MAB21L3: variants seen among roughly 807,000 people sequenced by gnomAD.
The protein encoded by MAB21L3 is protein mab-21-like 3.
Under a neutral mutation model 37.7 loss-of-function variants are expected in MAB21L3, and 36 were observed. The ratio of observed to expected loss-of-function variants is 0.96; its 90% CI spans 0.73 to 1.26. The LOEUF (loss-of-function observed/expected upper bound fraction) is 1.26. Ranked by LOEUF, MAB21L3 falls within the 50% of genes most tolerant of loss-of-function variation. The pLI is 0.00. For synonymous variants in MAB21L3, 186 were observed against 176.8 expected (o/e 1.05, Z -0.41); for missense variants, 430 against 447.3 (o/e 0.96, Z 0.35).
Position 116,124,377 on chromosome 1 carries a change from G to A in MAB21L3, c.481+20G>A, listed in dbSNP as rs1570808593. The A allele has an allele frequency of 6.3e-7, 1 of 1,597,364 alleles. No homozygotes were observed. The highest frequency in any genetic ancestry group is 8.5e-7 in the Non-Finnish European group (1 of 1,172,712). On this transcript the variant is annotated intron_variant, in intron 5 of 7. Coordinates refer to ENST00000369500, the MANE Select transcript of MAB21L3 (RefSeq NM_152367.3). Reference sequence around the variant, plus strand: ...TCTCAGGTGAGCTGATCAGGAACAAGTGCAAGGGTAATTGCTGGCATTCCC... The same window carrying A: ...TCTCAGGTGAGCTGATCAGGAACAAATGCAAGGGTAATTGCTGGCATTCCC...
chr1:116,133,397 T>C lies in MAB21L3; in HGVS notation c.*32T>C. On this transcript the variant is annotated 3_prime_UTR_variant, in exon 8 of 8. Transcript: ENST00000369500. ...CCCCGGCCTGGGAGGCTCTTGGACA[T>C]TTTATTCTGGCTTAACATTGTTCTT... is the stretch of plus-strand genomic sequence containing the variant. 2 of 1,583,458 alleles carry C rather than the reference T, an allele frequency of 1.3e-6. No individual in the cohort carries two copies. The highest frequency in any genetic ancestry group is 1.7e-6 in the Non-Finnish European group (2 of 1,152,326).
chr1:116,124,010 C>T (rs921240518), intron 4 of MAB21L3, 56 bp from the exon 5 acceptor site: 65 of 1,533,962 alleles, frequency 4.2e-5, no homozygotes, highest in African/African-American at 2.1e-4. Flanking sequence ...CCAGGACTTC[C>T]GTTACCTCCC....
At chr1:116,119,231 T>C (rs967524852) in intron 3 of MAB21L3, among the ~76,000 whole-genome samples, 3 of 152,234 alleles carry the variant, frequency 2.0e-5, no homozygotes, top group African/African-American at 7.2e-5. Flanking sequence ...GGGTCTATCT[T>C]GTGCATTGCT....
intron 5 of MAB21L3, among the ~76,000 whole-genome samples, chr1:116,124,881 AC>A (rs1659856350): frequency 7.5e-6 from 1 of 132,886 alleles, no homozygotes; most frequent in Non-Finnish European, 1.6e-5. Context: ...ACACACACAC[AC>A]ACACACATAC....
chr1:116,121,066 T>C lies in MAB21L3; in HGVS notation c.183T>C (p.Asn61=). ...AVPYSDTYNE[N]IKVLAPSQFL... ...CTTACTCTGACACGTACAATGAAAA[T>C]ATTAAGGTAAGCAAGTCTTGCTGTC... The change falls in exon 4 of 8, where the codon AAT becomes AAC. Residue 61 remains asparagine (N), a synonymous_variant. Coordinates refer to ENST00000369500, the MANE Select transcript of MAB21L3 (RefSeq NM_152367.3). 1.2e-6 allele frequency: 2 copies of C among 1,613,012 alleles called. No individual in the cohort carries two copies. The highest frequency in any genetic ancestry group is 4.5e-5 in the East Asian group (2 of 44,744).
At chr1:116,117,152 AATATACATACATATATATAT>A (rs1052457917) in intron 3 of MAB21L3, among the ~76,000 whole-genome samples, 3 of 95,128 alleles carry the variant, frequency 3.2e-5, no homozygotes, top group African/African-American at 1.8e-4. Flanking sequence ...CAGGAATCAA[AATATACATACATATATATAT>A]ATATATATAT....
chr1:116,132,642 C>T (rs72693709), intron 7 of MAB21L3, among the ~76,000 whole-genome samples: 10,012 of 152,064 alleles, frequency 0.066, 385 homozygotes, highest in Middle Eastern at 0.12. Flanking sequence ...GGGCAGGAGG[C>T]AGATGTGGGG....
intron 3 of MAB21L3, among the ~76,000 whole-genome samples, chr1:116,115,932 A>G (rs1659574837): frequency 6.6e-6 from 1 of 152,136 alleles, no homozygotes. Flanking sequence ...TTTGCCATGA[A>G]CTAAGTTTGG....
chr1:116,124,227 A>G lies in MAB21L3; in HGVS notation c.351A>G (p.Glu117=), dbSNP rs1483036758. 1 of 1,614,196 alleles carries G rather than the reference A, an allele frequency of 6.2e-7. No individual in the cohort carries two copies. The highest frequency in any genetic ancestry group is 2.2e-5 in the East Asian group (1 of 44,892). ...PEGLQQWLEV[E]QFMKSLWQWH... is the part of the protein sequence containing the mutation. ...GTCTGCAGCAGTGGCTGGAGGTGGA[A>G]CAGTTTATGAAGAGCCTGTGGCAGT... The change falls in exon 5 of 8, where the codon GAA becomes GAG. Residue 117 remains glutamate (E), a synonymous_variant. Coordinates refer to ENST00000369500, the MANE Select transcript of MAB21L3 (RefSeq NM_152367.3).
chr1:116,127,134 T>A (rs1214918801), intron 5 of MAB21L3, among the ~76,000 whole-genome samples: 1 of 152,186 alleles, frequency 6.6e-6, no homozygotes, highest in African/African-American at 2.4e-5. Context: ...CTATGGCTTT[T>A]ACTTTCAGTT....
chr1:116,136,514 A>T lies in MAB21L3; in HGVS notation c.*3149A>T, dbSNP rs867000646. Among the ~76,000 whole-genome samples the T allele has an allele frequency of 1.4e-4, 22 of 152,324 alleles. No homozygotes were observed. Among genetic ancestry groups the T allele is most frequent in the African/African-American group, 5.3e-4 (22 of 41,578 alleles). On this transcript the variant is annotated 3_prime_UTR_variant, in exon 8 of 8. Transcript: ENST00000369500. ...GGAAGAACATTCCATGCTCATGGGT[A>T]GGAAGAATCAATATCGTCAAAATGG...
At position 116,133,515 on chromosome 1, in the gene MAB21L3, G is replaced by T; in HGVS notation, c.*150G>T. 1 of 705,674 alleles carries T rather than the reference G, an allele frequency of 1.4e-6. No individual in the cohort carries two copies. The highest frequency in any genetic ancestry group is 2.3e-6 in the Non-Finnish European group (1 of 426,198). The allele number at this position is 705,674 out of a possible 1,614,324, so 43.7% of individuals were successfully genotyped here. A position where few individuals can be genotyped will look rare whatever the true frequency, so the allele number is the denominator to read the frequency against. On this transcript the variant is annotated 3_prime_UTR_variant, in exon 8 of 8. Coordinates refer to ENST00000369500, the MANE Select transcript of MAB21L3 (RefSeq NM_152367.3). Reference sequence around the variant, plus strand: ...ACATCAAACCAGAAACACTTCAGCAGGGGGAAAACTGTGCCCCAGGATGTC... The same window carrying T: ...ACATCAAACCAGAAACACTTCAGCATGGGGAAAACTGTGCCCCAGGATGTC...
At chr1:116,124,989 G>GA (rs1453328893) in intron 5 of MAB21L3, among the ~76,000 whole-genome samples, 38 of 138,592 alleles carry the variant, frequency 2.7e-4, no homozygotes, top group African/African-American at 9.9e-4. Flanking sequence ...AAATCAATAA[G>GA]AAAAAAGATG....
At chr1:116,113,633 T>A (rs1286837439) in intron 3 of MAB21L3, among the ~76,000 whole-genome samples, 1 of 152,244 alleles carries the variant, frequency 6.6e-6, no homozygotes, top group Admixed American at 6.5e-5. Flanking sequence ...TTCGACACGT[T>A]GAATCCAGTG....
chr1:116,133,524 C>T lies in MAB21L3; in HGVS notation c.*159C>T. ...CAGAAACACTTCAGCAGGGGGAAAA[C>T]TGTGCCCCAGGATGTCTGGCCCAGG... On this transcript the variant is annotated 3_prime_UTR_variant, in exon 8 of 8. Coordinates refer to ENST00000369500, the MANE Select transcript of MAB21L3 (RefSeq NM_152367.3). The T allele has an allele frequency of 1.5e-6, 1 of 680,746 alleles. No individual in the cohort carries two copies. The highest frequency in any genetic ancestry group is 2.5e-6 in the Non-Finnish European group (1 of 405,878). The allele number at this position is 680,746 out of a possible 1,614,324, so 42.2% of individuals were successfully genotyped here.
intron 7 of MAB21L3, among the ~76,000 whole-genome samples, chr1:116,129,297 G>A (rs1167531803): frequency 6.6e-6 from 1 of 152,188 alleles, no homozygotes; most frequent in East Asian, 1.9e-4. Flanking sequence ...TTCTCAAATT[G>A]TGAACCACAC....
Position 116,137,409 on chromosome 1 carries a change from T to G in MAB21L3, c.*4044T>G, listed in dbSNP as rs1660218169. Among the ~76,000 whole-genome samples the G allele has an allele frequency of 1.6e-5, 2 of 128,346 alleles. No homozygotes were observed. Among genetic ancestry groups the G allele is most frequent in the East Asian group, 2.0e-4 (1 of 4,906 alleles). 84.2% of individuals were successfully genotyped at this position (128,346 alleles called of 152,430 possible). ...TCACTGGCCATCAGAGAAATGCAAA[T>G]CAAAACCACAGTGAGATACCATCTC... On this transcript the variant is annotated 3_prime_UTR_variant, in exon 8 of 8. Coordinates refer to ENST00000369500, the MANE Select transcript of MAB21L3 (RefSeq NM_152367.3).
intron 4 of MAB21L3, among the ~76,000 whole-genome samples, chr1:116,121,972 T>A (rs1659763253): frequency 6.6e-6 from 1 of 152,220 alleles, no homozygotes; most frequent in African/African-American, 2.4e-5. Flanking sequence ...TTGTATGTAT[T>A]CATGGCCCAT....
chr1:116,126,477 A>G (rs574104545), intron 5 of MAB21L3, among the ~76,000 whole-genome samples: 1 of 152,306 alleles, frequency 6.6e-6, no homozygotes, highest in South Asian at 2.1e-4. Flanking sequence ...GGGGTTTCTG[A>G]TGATAGATAC....
Sources: allele counts gnomAD v4.1 joint callset (sites outside exome capture counted in the v4.1 genomes callset), GRCh38; gene constraint gnomAD v4.1.1; transcripts MANE v1.5; gene names NCBI Gene and HGNC (gene_info 2026-07-23, HGNC 2026-07-21).